The following C8orf74 variants were observed in gnomAD, a reference collection of about 807,000 sequenced individuals.
The protein encoded by C8orf74 is uncharacterized protein C8orf74.
In C8orf74, 29 loss-of-function variants were observed where a neutral mutation model predicts 22.2. The observed-to-expected ratio is 1.31, with a 90% CI of 0.97 to 1.78. The LOEUF is 1.78. Ranked by LOEUF, C8orf74 falls within the 40% of genes most tolerant of loss-of-function variation. The pLI is 0.00. For synonymous variants in C8orf74, 255 were observed against 163.1 expected, an observed-to-expected ratio of 1.56 and a Z score of -4.30; for missense variants, 515 against 369.9, an observed-to-expected ratio of 1.39 and a Z score of -3.22.
Position 10,698,044 on chromosome 8 carries a change from C to T in C8orf74, c.648+39C>T, listed in dbSNP as rs537653208. ...CCCCTGCCGTGGGTGGGCACCTGGG[C>T]CTGCAGAGACACCAGCCAGGGCTGG... On this transcript the variant is annotated intron_variant, in intron 3 of 3. Transcript: ENST00000304519. The T allele has an allele frequency of 2.9e-5, 41 of 1,437,920 alleles. No individual in the cohort carries two copies. In the African/African-American group the frequency reaches 4.6e-4, roughly 16 times the overall value. The allele number at this position is 1,437,920 out of a possible 1,614,324, so 89.1% of individuals were successfully genotyped here. A position where few individuals can be genotyped will look rare whatever the true frequency, so the allele number is the denominator to read the frequency against.
At chr8:10,688,065 C>T (rs552091280) in intron 2 of C8orf74, among the ~76,000 whole-genome samples, 4 of 151,888 alleles carry the variant, frequency 2.6e-5, no homozygotes, top group African/African-American at 4.8e-5. Context: ...ATTAGCCAGG[C>T]GTGGTAGTGT....
chr8:10,687,790 T>C (rs765059249), intron 2 of C8orf74, among the ~76,000 whole-genome samples: 1 of 152,170 alleles, frequency 6.6e-6, no homozygotes, highest in Non-Finnish European at 1.5e-5. Flanking sequence ...TTAAAGTAAA[T>C]CTTTCATTTA....
At chr8:10,673,078 A>C (rs1054920593) in intron 1 of C8orf74, among the ~76,000 whole-genome samples, 1 of 152,022 alleles carries the variant, frequency 6.6e-6, no homozygotes, top group Admixed American at 6.5e-5. Flanking sequence ...GATTAGGCAG[A>C]AGAGTGGTGG....
chr8:10,675,598 G>A (rs892505727), intron 2 of C8orf74: 5 of 152,206 alleles, frequency 3.3e-5, no homozygotes, highest in African/African-American at 9.7e-5. Context: ...TACTCTTACA[G>A]GGAAGAAGCT....
rs751047268 is a variant in C8orf74 at position 10,697,776 on chromosome 8, C to T, written c.419C>T (p.Ala140Val). ...GACCAGCAGGTCGACCTGACCGTTG[C>T]CCACCTGGAGGTGTGCATGCCACCC... ...GQDQQVDLTV[A>V]HLEVCMPPHP... The change falls in exon 3 of 4, where the codon GCC becomes GTC. Residue 140 changes from alanine to valine, a missense_variant. Transcript: ENST00000304519. The T allele has an allele frequency of 3.1e-5, 50 of 1,613,940 alleles. No individual in the cohort carries two copies. Among genetic ancestry groups the T allele is most frequent in the Non-Finnish European group, 4.2e-5 (50 of 1,179,906 alleles).
chr8:10,686,068 C>CAAAAAG (rs1292449535), intron 2 of C8orf74, among the ~76,000 whole-genome samples: 2 of 151,748 alleles, frequency 1.3e-5, no homozygotes, highest in African/African-American at 2.4e-5. Flanking sequence ...GACTCCATCT[C>CAAAAAG]AAAAAGAAAA....
At chr8:10,693,255 C>T (rs2129058470) in intron 2 of C8orf74, among the ~76,000 whole-genome samples, 1 of 152,330 alleles carries the variant, frequency 6.6e-6, no homozygotes, top group South Asian at 2.1e-4. Flanking sequence ...TCTTGCCTTG[C>T]CCTTCACCAC....
chr8:10,684,421 C>A (rs1428726347), intron 2 of C8orf74, among the ~76,000 whole-genome samples: 1 of 152,164 alleles, frequency 6.6e-6, no homozygotes, highest in Non-Finnish European at 1.5e-5. Flanking sequence ...AGGGCGTGGA[C>A]AAGAGTCCAT....
intron 2 of C8orf74, among the ~76,000 whole-genome samples, chr8:10,690,012 G>A (rs1237276048): frequency 6.6e-6 from 1 of 152,120 alleles, no homozygotes; most frequent in Non-Finnish European, 1.5e-5. Flanking sequence ...TCCAACCCAC[G>A]TTGTCCCAGA....
chr8:10,693,282 A>C (rs1187599770), intron 2 of C8orf74, among the ~76,000 whole-genome samples: 1 of 152,064 alleles, frequency 6.6e-6, no homozygotes, highest in Non-Finnish European at 1.5e-5. Context: ...TTGCCCAGTA[A>C]ACCCCTCTGA....
intron 2 of C8orf74, among the ~76,000 whole-genome samples, chr8:10,687,455 G>A (rs891099533): frequency 5.9e-5 from 9 of 151,936 alleles, no homozygotes; most frequent in African/African-American, 2.2e-4. Flanking sequence ...TTCAAGACCA[G>A]CCTGACCAAC....
At chr8:10,697,520 G>C in intron 2 of C8orf74, 79 bp from the exon 3 acceptor site, 1 of 1,246,534 alleles carries the variant, frequency 8.0e-7, no homozygotes, top group African/African-American at 1.5e-5. Flanking sequence ...CAGGCTGTCG[G>C]GGTGCAGAGC....
Position 10,690,042 on chromosome 8 carries a change from G to A in C8orf74, c.242-7557G>A, listed in dbSNP as rs146012980. On this transcript the variant is annotated intron_variant, in intron 2 of 3. Transcript: ENST00000304519. The stretch of plus-strand genomic sequence containing the variant: ...CCCAGAGTCAACTGTAACAGCTACT[G>A]CAAAACGTTCTTTGGAAAATGTGAC... Among the ~76,000 whole-genome samples the A allele has an allele frequency of 2.7e-3, 408 of 152,298 alleles. 1 individual carries two copies. The highest frequency in any genetic ancestry group is 9.2e-3 in the African/African-American group (381 of 41,558).
intron 3 of C8orf74, among the ~76,000 whole-genome samples, chr8:10,699,943 C>G (rs938307632): frequency 6.6e-6 from 1 of 152,218 alleles, no homozygotes; most frequent in African/African-American, 2.4e-5. Context: ...AAAAAGAGAG[C>G]TTTAGTTATA....
At position 10,672,703 on chromosome 8, in the gene C8orf74, T is replaced by C. The variant is rs752690944; in HGVS notation, c.38T>C (p.Phe13Ser). The C allele has an allele frequency of 6.4e-7, 1 of 1,563,224 alleles. No individual in the cohort carries two copies. Residue 13 changes from phenylalanine to serine, a missense_variant, in exon 1 of 4, where the codon TTC (phenylalanine) becomes TCC (serine). Phe to Ser is a radical substitution (Grantham distance 155, BLOSUM62 -2). Transcript: ENST00000304519. ...ACACCCCAGGGAGTGAAAGAAGTCT[T>C]CCAACTTCAGGTGAAGGAAGAGAAA... is the stretch of plus-strand genomic sequence containing the variant. ...LLTPQGVKEVFQLQRPQGRER... is the reference protein window; with the variant it reads ...LLTPQGVKEVSQLQRPQGRER...
Position 10,678,830 on chromosome 8 carries a change from A to G in C8orf74, c.241+3992A>G, listed in dbSNP as rs114361552. Among the ~76,000 whole-genome samples the G allele has an allele frequency of 5.7e-3, 875 of 152,234 alleles. 5 individuals are homozygous for G. The highest frequency in any genetic ancestry group is 0.02 in the African/African-American group (826 of 41,546). On this transcript the variant is annotated intron_variant, in intron 2 of 3. Transcript: ENST00000304519. ...CAGGCCTCCTGCACCTCGGCTCACC[A>G]CGGTGCCATTCAGGATGGTGCCTGC...
At position 10,686,974 on chromosome 8, in the gene C8orf74, T is replaced by C. The variant is rs528593754; in HGVS notation, c.242-10625T>C. The C allele has an allele frequency of 1.7e-5, 7 of 408,248 alleles. No homozygotes were observed. The East Asian group carries it at 4.3e-4, about 25-fold the overall frequency. The allele number at this position is 408,248 out of a possible 1,614,324, so 25.3% of individuals were successfully genotyped here. On this transcript the variant is annotated intron_variant, in intron 2 of 3. Coordinates refer to ENST00000304519, the MANE Select transcript of C8orf74 (RefSeq NM_001040032.2). ...GGCCCCGTGCCCGCCCATCCCACCA[T>C]AGGTGAGTAGAATCACCAGGCAACC...
intron 2 of C8orf74, among the ~76,000 whole-genome samples, chr8:10,683,319 C>G (rs544802701): frequency 6.6e-6 from 1 of 152,200 alleles, no homozygotes; most frequent in Non-Finnish European, 1.5e-5. Flanking sequence ...GCTAAGGTGT[C>G]CTGGCCTGGA....
chr8:10,696,958 GAAAA>G (rs60560452), intron 2 of C8orf74, among the ~76,000 whole-genome samples: 1 of 104,340 alleles, frequency 9.6e-6, no homozygotes, highest in Non-Finnish European at 2.1e-5. Flanking sequence ...CCAGGAGTTC[GAAAA>G]AAAAAAAAAA....
Sources: allele counts gnomAD v4.1 joint callset (sites outside exome capture counted in the v4.1 genomes callset), GRCh38; gene constraint gnomAD v4.1.1; transcripts MANE v1.5; gene names NCBI Gene and HGNC (gene_info 2026-07-23, HGNC 2026-07-21).